The following GNAL variants were observed in gnomAD, a reference collection of about 807,000 sequenced individuals.
GNAL encodes the protein G protein subunit alpha L, also known as guanine nucleotide-binding protein G(olf) subunit alpha.
In GNAL, 18 loss-of-function variants were observed where a neutral mutation model predicts 55.1. The observed-to-expected ratio is 0.33, with a 90% CI of 0.23 to 0.48. The LOEUF is 0.48. Among genes scored for constraint, GNAL ranks in the 20% least tolerant of loss-of-function variants. The pLI is 0.99. For missense variants in GNAL, 412 were observed against 614.1 expected (o/e 0.67, Z 3.48); for synonymous variants, 253 against 237.0 (o/e 1.07, Z -0.62).
intron 1 of GNAL, 60 bp downstream of exon 1, chr18:11,689,999 G>T: frequency 1.9e-6 from 2 of 1,054,198 alleles, no homozygotes; most frequent in Non-Finnish European, 2.4e-6. Flanking sequence ...GCCCGCGGGG[G>T]CGGCGGGCAC....
chr18:11,836,597 C>T (rs959735959), intron 5 of GNAL, among the ~76,000 whole-genome samples: 2 of 152,140 alleles, frequency 1.3e-5, no homozygotes, highest in African/African-American at 4.8e-5. Context: ...ACATAGTAAT[C>T]CTCACACTAA....
At chr18:11,718,066 G>T (rs1272816873) in intron 1 of GNAL, among the ~76,000 whole-genome samples, 2 of 151,862 alleles carry the variant, frequency 1.3e-5, no homozygotes, top group Non-Finnish European at 2.9e-5. Flanking sequence ...TTACTACTAA[G>T]AAATACAATC....
chr18:11,787,033 A>C (rs141144370), intron 4 of GNAL, among the ~76,000 whole-genome samples: 1 of 152,176 alleles, frequency 6.6e-6, no homozygotes, highest in East Asian at 1.9e-4. Flanking sequence ...TGAGGCCAGG[A>C]GTTTGAGACC....
Position 11,782,932 on chromosome 18 carries a change from G to A in GNAL, c.624+28987G>A, listed in dbSNP as rs1171680187. On this transcript the variant is annotated intron_variant, in intron 4 of 11. Coordinates refer to ENST00000334049, the MANE Select transcript of GNAL (RefSeq NM_182978.4). ...GAATTTTGAGATTTGTATTTATTAT[G>A]ATAGGTGACAATGCTTCAAGATTTG... 2.6e-5 allele frequency among the ~76,000 whole-genome samples: 4 copies of A among 152,302 alleles called. No homozygotes were observed. In the East Asian group the frequency reaches 7.7e-4, roughly 29 times the overall value.
At chr18:11,829,997 T>TC (rs1165940469) in intron 5 of GNAL, among the ~76,000 whole-genome samples, 2 of 152,088 alleles carry the variant, frequency 1.3e-5, no homozygotes, top group Non-Finnish European at 2.9e-5. Flanking sequence ...AGAGCAAGAC[T>TC]CCATCTCAAA....
chr18:11,796,118 C>G (rs1324906111), intron 4 of GNAL, among the ~76,000 whole-genome samples: 2 of 152,154 alleles, frequency 1.3e-5, no homozygotes, highest in Non-Finnish European at 2.9e-5. Context: ...ACTTTATATA[C>G]ACAAACCACA....
At position 11,752,116 on chromosome 18, in the gene GNAL, T is replaced by C; in HGVS notation, c.377-737T>C. The C allele has an allele frequency of 5.1e-6, 1 of 195,482 alleles. No homozygotes were observed. Among genetic ancestry groups the C allele is most frequent in the African/African-American group, 2.3e-5 (1 of 42,654 alleles). 12.1% of individuals were successfully genotyped at this position (195,482 alleles called of 1,614,324 possible). ...GGGGCGCTGCGCCACCTCGGCTGTC[T>C]CCAGCGGAGACCGGCGCCCTCGCCC... On this transcript the variant is annotated intron_variant, in intron 1 of 11. Coordinates refer to ENST00000334049, the MANE Select transcript of GNAL (RefSeq NM_182978.4). The surrounding 1 kb of genome is among the most constrained non-coding windows in gnomAD (Gnocchi z 4.5).
intron 1 of GNAL, among the ~76,000 whole-genome samples, chr18:11,750,901 C>T (rs1164188175): frequency 6.6e-6 from 1 of 151,918 alleles, no homozygotes; most frequent in Admixed American, 6.5e-5. Flanking sequence ...GAGGTTGAAG[C>T]AAGAGTGGAG....
chr18:11,741,449 G>C (rs542168219), intron 1 of GNAL, among the ~76,000 whole-genome samples: 114 of 152,274 alleles, frequency 7.5e-4, no homozygotes, highest in African/African-American at 2.7e-3. Context: ...TGCACTTGTA[G>C]AATTAACCAC....
chr18:11,751,474 T>G lies in GNAL; in HGVS notation c.377-1379T>G. On this transcript the variant is annotated intron_variant, in intron 1 of 11. Transcript: ENST00000334049. This position sits in a 1 kb window ranked among gnomAD's most constrained non-coding sequence, Gnocchi z 4.5. ...CGGCGACGTGGGCGAGCTGGAATAG[T>G]CTAGAAGCTGAGCAGAACAAAGGCG... 2 of 984,606 alleles carry G rather than the reference T, an allele frequency of 2.0e-6. No homozygotes were observed. The highest frequency in any genetic ancestry group is 2.4e-6 in the Non-Finnish European group (2 of 829,224). 61.0% of individuals were successfully genotyped at this position (984,606 alleles called of 1,614,324 possible). A position where few individuals can be genotyped will look rare whatever the true frequency, so the allele number is the denominator to read the frequency against.
At chr18:11,696,720 A>T (rs1220593417) in intron 1 of GNAL, among the ~76,000 whole-genome samples, 1 of 152,186 alleles carries the variant, frequency 6.6e-6, no homozygotes, top group African/African-American at 2.4e-5. Context: ...AAAGACCAGA[A>T]GTTCAGAACA....
At chr18:11,723,816 G>T (rs1037983643) in intron 1 of GNAL, among the ~76,000 whole-genome samples, 3 of 152,164 alleles carry the variant, frequency 2.0e-5, no homozygotes, top group Non-Finnish European at 1.5e-5. Context: ...CTAGTGGGTG[G>T]CACAGTACAG....
chr18:11,842,886 T>C (rs1378511872), intron 5 of GNAL, among the ~76,000 whole-genome samples: 1 of 152,230 alleles, frequency 6.6e-6, no homozygotes, highest in Non-Finnish European at 1.5e-5. Context: ...TGGCCTTCTT[T>C]CAACTGTTGA....
At chr18:11,834,011 G>A (rs73407475) in intron 5 of GNAL, among the ~76,000 whole-genome samples, 2,493 of 152,150 alleles carry the variant, frequency 0.016, 69 homozygotes, top group African/African-American at 0.058. Context: ...ACTAGTGCCC[G>A]TTTTCAAAAT....
chr18:11,701,838 C>G (rs2031580067), intron 1 of GNAL, among the ~76,000 whole-genome samples: 1 of 152,146 alleles, frequency 6.6e-6, no homozygotes, highest in African/African-American at 2.4e-5. Context: ...CCTTTTATCT[C>G]CAGCCATCAA....
chr18:11,760,916 T>C (rs8087789), intron 4 of GNAL, among the ~76,000 whole-genome samples: 40,836 of 152,176 alleles, frequency 0.27, 5,616 homozygotes, highest in South Asian at 0.33. Flanking sequence ...GTAGAGATGA[T>C]GGCAACACCT....
At chr18:11,859,986 G>A (rs113615944) in intron 5 of GNAL, among the ~76,000 whole-genome samples, 1,928 of 152,134 alleles carry the variant, frequency 0.013, 36 homozygotes, top group African/African-American at 0.044. Context: ...GACCTCAGGC[G>A]ATCCACCCAC....
At chr18:11,864,258 G>C (rs548855108) in intron 6 of GNAL, among the ~76,000 whole-genome samples, 1 of 151,772 alleles carries the variant, frequency 6.6e-6, no homozygotes, top group Admixed American at 6.6e-5. Flanking sequence ...GGCTAATTTG[G>C]TTTTTTTGTA....
chr18:11,781,646 T>G (rs2033926470), intron 4 of GNAL, among the ~76,000 whole-genome samples: 1 of 152,152 alleles, frequency 6.6e-6, no homozygotes, highest in African/African-American at 2.4e-5. Context: ...AAGATAAACT[T>G]TGTGAGAATT....
Sources: allele counts gnomAD v4.1 joint callset (sites outside exome capture counted in the v4.1 genomes callset), GRCh38; gene constraint gnomAD v4.1.1; non-coding constraint Gnocchi (gnomAD v3.1); transcripts MANE v1.5; gene names NCBI Gene and HGNC (gene_info 2026-07-23, HGNC 2026-07-21).